RGS12: variants seen among roughly 807,000 people sequenced by gnomAD.
RGS12 encodes the protein regulator of G protein signaling 12, also known as regulator of G-protein signaling 12.
A neutral mutation model predicts 120.1 loss-of-function variants in RGS12; 66 were observed. The observed-to-expected ratio is 0.55, with a 90% CI of 0.45 to 0.67. RGS12 has a LOEUF of 0.67. Ranked by LOEUF, RGS12 falls within the 30% of genes least tolerant of loss-of-function variation. The pLI is 0.00. For synonymous variants in RGS12, 827 were observed against 804.7 expected (o/e 1.03, Z -0.47); for missense variants, 1,859 against 1,957.7 (o/e 0.95, Z 0.95).
Position 3,317,661 on chromosome 4 carries a change from C to G in RGS12, c.1491C>G (p.Asp497Glu). ...EAAHQTDRFW[D>E]LNKHLGPASP... ...CTCATCAGACTGACAGGTTCTGGGA[C>G]CTAAACAAGCACCTAGGGCCAGCCT... The change falls in exon 2 of 18, where the codon GAC becomes GAG. Residue 497 changes from aspartate to glutamate, a missense_variant. Physicochemically the swap from Asp to Glu is conservative, Grantham distance 45. Transcript: ENST00000336727. 6.2e-7 allele frequency: 1 copy of G among 1,602,950 alleles called. No homozygotes were observed. Among genetic ancestry groups the G allele is most frequent in the Non-Finnish European group, 8.5e-7 (1 of 1,172,826 alleles).
At chr4:3,409,803 A>G (rs1209342606) in intron 4 of RGS12, among the ~76,000 whole-genome samples, 1 of 152,216 alleles carries the variant, frequency 6.6e-6, no homozygotes, top group African/African-American at 2.4e-5. Context: ...GCAGTGGGGC[A>G]GCCTCCTTTC....
intron 1 of RGS12, among the ~76,000 whole-genome samples, chr4:3,304,895 G>A (rs958099022): frequency 1.3e-5 from 2 of 152,264 alleles, no homozygotes; most frequent in African/African-American, 4.8e-5. Context: ...TAGCTGCAAG[G>A]CTTCTGGGAT....
intron 4 of RGS12, among the ~76,000 whole-genome samples, chr4:3,403,152 C>G (rs1162134001): frequency 6.6e-6 from 1 of 152,238 alleles, no homozygotes; most frequent in East Asian, 1.9e-4. Context: ...ATTTCACTCT[C>G]CAGAAGGACT....
At chr4:3,419,689 G>T (rs888802336) in intron 9 of RGS12, among the ~76,000 whole-genome samples, 2 of 151,950 alleles carry the variant, frequency 1.3e-5, no homozygotes, top group African/African-American at 4.8e-5. Context: ...GTGTGGTGGC[G>T]CACCTGTTGC....
At chr4:3,428,818 C>T (rs1723947932) in intron 16 of RGS12, 107 bp downstream of exon 16, 8 of 973,688 alleles carry the variant, frequency 8.2e-6, no homozygotes, top group East Asian at 2.5e-5. Context: ...GACTGCGGTC[C>T]GTCCCTGTGG....
chr4:3,425,610 C>T, intron 14 of RGS12, 50 bp downstream of exon 14: 2 of 1,298,212 alleles, frequency 1.5e-6, no homozygotes, highest in African/African-American at 3.6e-5. Flanking sequence ...GGGTCCAGTG[C>T]AGGGGAGGGG....
At chr4:3,360,785 T>C (rs1446296484) in intron 3 of RGS12, among the ~76,000 whole-genome samples, 2 of 152,122 alleles carry the variant, frequency 1.3e-5, no homozygotes, top group Non-Finnish European at 2.9e-5. Flanking sequence ...GAGAGGACAG[T>C]GCGGCTAACC....
chr4:3,347,218 G>A (rs1713882246), intron 3 of RGS12, among the ~76,000 whole-genome samples: 1 of 152,200 alleles, frequency 6.6e-6, no homozygotes, highest in African/African-American at 2.4e-5. Flanking sequence ...GCTGAGGTGG[G>A]CGGATCACAA....
intron 2 of RGS12, chr4:3,342,514 A>G (rs1044318079): frequency 1.2e-5 from 16 of 1,291,142 alleles, no homozygotes; most frequent in Middle Eastern, 2.1e-4. Context: ...ATGAAAAAGC[A>G]CGACTTTGCT....
intron 3 of RGS12, among the ~76,000 whole-genome samples, chr4:3,375,906 G>A (rs1039490818): frequency 6.6e-6 from 1 of 152,330 alleles, no homozygotes; most frequent in Admixed American, 6.5e-5. Flanking sequence ...CCTGAGTCAC[G>A]AATGTCGGCC....
chr4:3,342,512 G>A (rs1390469145), intron 2 of RGS12: 3 of 1,290,950 alleles, frequency 2.3e-6, no homozygotes, highest in South Asian at 2.5e-5. Context: ...TTATGAAAAA[G>A]CACGACTTTG....
chr4:3,415,136 G>A (rs1167072620), intron 6 of RGS12, among the ~76,000 whole-genome samples: 1 of 146,578 alleles, frequency 6.8e-6, no homozygotes, highest in Non-Finnish European at 1.5e-5. Flanking sequence ...TGTGTGAGGG[G>A]CGTGTGTGAG....
At chr4:3,289,446 C>T (rs1722965098), upstream of RGS12, among the ~76,000 whole-genome samples, 1 of 152,176 alleles carries the variant, frequency 6.6e-6, no homozygotes, top group South Asian at 2.1e-4. Context: ...TTAAGTGAGC[C>T]ACCTACCTCA....
chr4:3,361,491 G>C (rs898894367), intron 3 of RGS12, among the ~76,000 whole-genome samples: 5 of 152,342 alleles, frequency 3.3e-5, no homozygotes, highest in Non-Finnish European at 4.4e-5. Context: ...ATGAGGGTTT[G>C]AAAGTGGGCC....
In RGS12 at chr4:3,414,737, CTT is replaced by C. The variant is rs1385291576; in HGVS notation, c.2191-13_2191-12del. 1.3e-6 allele frequency: 2 copies of C among 1,567,726 alleles called. No homozygotes were observed. The highest frequency in any genetic ancestry group is 1.7e-4 in the Middle Eastern group (1 of 5,990). ...CTGTGTCAGTGTTAATAAATGGTGT[CTT>C]TGTCTTTCTTAGGATTTTCTAAGGA... On this transcript the variant is annotated splice_polypyrimidine_tract_variant and intron_variant, in intron 5 of 17. Transcript: ENST00000336727.
intron 1 of RGS12, among the ~76,000 whole-genome samples, chr4:3,308,220 A>G (rs1046150268): frequency 6.6e-5 from 10 of 152,182 alleles, no homozygotes; most frequent in African/African-American, 2.4e-4. Flanking sequence ...CAGCACCCCA[A>G]TTTTTGGCCA....
At chr4:3,407,141 A>AGC (rs1262961035) in intron 4 of RGS12, among the ~76,000 whole-genome samples, 5 of 152,162 alleles carry the variant, frequency 3.3e-5, no homozygotes, top group Non-Finnish European at 5.9e-5. Flanking sequence ...GAAGTGGAGT[A>AGC]GCGTGTTGGG....
chr4:3,360,413 CGTTTTTT>C (rs896284086), intron 3 of RGS12, among the ~76,000 whole-genome samples: 176 of 151,752 alleles, frequency 1.2e-3, no homozygotes, highest in Admixed American at 3.5e-3. Context: ...CTTTGGGTTT[CGTTTTTT>C]GTTTTTTGTT....
chr4:3,288,077 G>C (rs550123227), upstream of RGS12, among the ~76,000 whole-genome samples: 9 of 152,358 alleles, frequency 5.9e-5, no homozygotes, highest in South Asian at 1.7e-3. This position sits in a 1 kb window ranked among gnomAD's most constrained non-coding sequence, Gnocchi z 5.2. Context: ...CGTACCTGCT[G>C]GCCCTGAGCT....
Sources: gnomAD v4.1 joint callset for allele counts (sites outside exome capture counted in the v4.1 genomes callset) on GRCh38, gnomAD v4.1.1 for gene constraint, Gnocchi (gnomAD v3.1) non-coding constraint, MANE v1.5 for transcripts, NCBI Gene and HGNC (gene_info 2026-07-23, HGNC 2026-07-21) for gene names.